The following BAIAP3 variants were observed in gnomAD, a reference collection of about 807,000 sequenced individuals.
BAIAP3 encodes the protein BAI1-associated protein 3.
Under a neutral mutation model 149.7 loss-of-function variants are expected in BAIAP3, and 180 were observed. The ratio of observed to expected loss-of-function variants is 1.20; its 90% CI spans 1.07 to 1.36. The LOEUF (loss-of-function observed/expected upper bound fraction) is 1.36. Ranked by LOEUF, BAIAP3 falls within the 40% of genes most tolerant of loss-of-function variation. The pLI is 0.00. For missense variants in BAIAP3, 1,767 were observed against 1,563.4 expected, an observed-to-expected ratio of 1.13 and a Z score of -2.20; for synonymous variants, 845 against 670.7, an observed-to-expected ratio of 1.26 and a Z score of -4.02.
At chr16:1,344,948 T>C (rs2034209440) in intron 20 of BAIAP3, 21 bp from the exon 21 acceptor site, 8 of 1,613,434 alleles carry the variant, frequency 5.0e-6, no homozygotes, top group Non-Finnish European at 6.8e-6. Context: ...GCTGGAGGCC[T>C]GATCCTGCTG....
At chr16:1,339,639 GC>G (rs753733338) in intron 5 of BAIAP3, 36 bp downstream of exon 5, 1 of 1,537,426 alleles carries the variant, frequency 6.5e-7, no homozygotes, top group East Asian at 2.3e-5. Flanking sequence ...GACCCTGACA[GC>G]TTCCCCACCT....
rs2034492793 is a variant in BAIAP3 at position 1,347,912 on chromosome 16, TG to T, written c.3045del (p.Ile1016SerfsTer20). ...CCTGCAGGCTTAAGTGACCCCTTTG[TG>T]ATCGTGGAGCTGGGCCCACCGCATC... ...LDANGLSDPF[V>X]IVELGPPHLF... On this transcript the variant is annotated frameshift_variant, in exon 32 of 34. Transcript: ENST00000426824. LOFTEE classifies it high-confidence loss of function. 1 of 1,611,904 alleles carries T rather than the reference TG, an allele frequency of 6.2e-7. No homozygotes were observed. Among genetic ancestry groups the T allele is most frequent in the South Asian group, 1.1e-5 (1 of 91,090 alleles).
chr16:1,335,804 T>G (rs969250216), intron 1 of BAIAP3, among the ~76,000 whole-genome samples: 5 of 152,044 alleles, frequency 3.3e-5, no homozygotes, highest in African/African-American at 1.2e-4. Context: ...GGGGCTGGCC[T>G]AGCTGGTTGC....
chr16:1,342,480 G>T, intron 11 of BAIAP3, 47 bp from the exon 12 acceptor site: 1 of 1,502,298 alleles, frequency 6.7e-7, no homozygotes. Context: ...CAGTGTGGAA[G>T]GGGAGGGGGA....
rs747345617 is a variant in BAIAP3, at chr16:1,349,439, A to C, written c.*957A>C. ...AAAAATATATGTGTCTGCAACCCTC[A>C]GTCTCTCTGCCGTTTCTTGATTCCT... On this transcript the variant is annotated 3_prime_UTR_variant, in exon 34 of 34. Coordinates refer to ENST00000426824, the MANE Select transcript of BAIAP3 (RefSeq NM_001199097.2). 1.9e-6 allele frequency: 3 copies of C among 1,613,452 alleles called. No homozygotes were observed. Among genetic ancestry groups the C allele is most frequent in the Admixed American group, 3.3e-5 (2 of 59,882 alleles).
intron 28 of BAIAP3, 148 bp from the exon 29 acceptor site, chr16:1,347,150 T>G (rs1040917259): frequency 7.4e-6 from 7 of 949,308 alleles, no homozygotes; most frequent in Non-Finnish European, 1.1e-5. Flanking sequence ...TCCTGGGAGC[T>G]TCCGATGCCC....
chr16:1,343,626 C>G (rs2034090820), intron 15 of BAIAP3, 113 bp downstream of exon 15: 1 of 1,448,616 alleles, frequency 6.9e-7, no homozygotes, highest in African/African-American at 1.4e-5. Flanking sequence ...GGGTCAAAGA[C>G]AAATGGACAA....
In BAIAP3 at chr16:1,347,154, G is replaced by A. The variant is rs547807277; in HGVS notation, c.2752-144G>A. On this transcript the variant is annotated intron_variant, in intron 28 of 33. Transcript: ENST00000426824. ...TTCCCCACGCTTCCTGGGAGCTTCC[G>A]ATGCCCGCCAGGGTGTGAGAAAGGG... 369 of 968,434 alleles carry A rather than the reference G, an allele frequency of 3.8e-4. No individual in the cohort carries two copies. In the African/African-American group the frequency reaches 5.5e-3, roughly 14 times the overall value. 60.0% of individuals were successfully genotyped at this position (968,434 alleles called of 1,614,324 possible). A position where few individuals can be genotyped will look rare whatever the true frequency, so the allele number is the denominator to read the frequency against.
chr16:1,348,193 G>T lies in BAIAP3; in HGVS notation c.3247G>T (p.Ala1083Ser), dbSNP rs748237662. The T allele has an allele frequency of 6.2e-7, 1 of 1,609,180 alleles. No individual in the cohort carries two copies. Among genetic ancestry groups the T allele is most frequent in the East Asian group, 2.2e-5 (1 of 44,870 alleles). Residue 1083 changes from alanine (A) to serine (S), a missense_variant, in exon 33 of 34, where the codon GCG (alanine) becomes TCG (serine). By Grantham distance (99) the Ala-to-Ser change is moderately conservative. Transcript: ENST00000426824. ...WLSTNDFAGE[A>S]ALGLGGVTGV... ...GTCCACCAACGACTTCGCTGGGGAGGCGGCCCTCGGCCTAGGTGGCGTCAC... is the reference window on the plus strand; with the variant it reads ...GTCCACCAACGACTTCGCTGGGGAGTCGGCCCTCGGCCTAGGTGGCGTCAC...
Position 1,345,109 on chromosome 16 carries a change from C to G in BAIAP3, c.1940+10C>G, listed in dbSNP as rs759489093. On this transcript the variant is annotated intron_variant, in intron 21 of 33. Transcript: ENST00000426824. ...ATAGCATCCCTGGCCGGTGGGTGCC[C>G]CGTCCCTATCTCTTGCAGACAGACT... The G allele has an allele frequency of 7.4e-6, 12 of 1,612,320 alleles. No individual in the cohort carries two copies. The highest frequency in any genetic ancestry group is 1.0e-5 in the Non-Finnish European group (12 of 1,179,944).
intron 28 of BAIAP3, 69 bp downstream of exon 28, chr16:1,347,024 C>T (rs2034424694): frequency 7.2e-7 from 1 of 1,396,690 alleles, no homozygotes; most frequent in African/African-American, 1.4e-5. Context: ...CTCCCTTTGT[C>T]CCCACTGGCC....
Position 1,347,777 on chromosome 16 carries a change from T to G in BAIAP3, c.2981T>G (p.Val994Gly), listed in dbSNP as rs1316908643. The G allele has an allele frequency of 6.2e-7, 1 of 1,609,154 alleles. No homozygotes were observed. The highest frequency in any genetic ancestry group is 8.5e-7 in the Non-Finnish European group (1 of 1,177,348). ...GAGGCGGCTGAGCAGCGGCTGGCCGTGGAGGTGCTGCACGCCGCGGACCTG... is the reference window on the plus strand; with the variant it reads ...GAGGCGGCTGAGCAGCGGCTGGCCGGGGAGGTGCTGCACGCCGCGGACCTG... ...HYEAAEQRLA[V>G]EVLHAADLLP... Residue 994 changes from valine (V) to glycine (G), a missense_variant, in exon 31 of 34, where the codon GTG (valine) becomes GGG (glycine). Physicochemically the swap from Val to Gly is moderately radical, Grantham distance 109. Coordinates refer to ENST00000426824, the MANE Select transcript of BAIAP3 (RefSeq NM_001199097.2).
At position 1,342,183 on chromosome 16, in the gene BAIAP3, A is replaced by G; in HGVS notation, c.857A>G (p.Tyr286Cys). ...EVIGLKGMGRYFKQIVKSARA... is the reference protein window; with the variant it reads ...EVIGLKGMGRCFKQIVKSARA... ...TGCTCACCACCTGTGGTGGCCAGGT[A>G]CTTCAAACAGATCGTCAAGTCAGCC... Residue 286 changes from tyrosine (Y) to cysteine (C), a missense_variant and splice_region_variant, in exon 11 of 34, where the codon TAC becomes TGC. Transcript: ENST00000426824. 6.2e-7 allele frequency: 1 copy of G among 1,602,114 alleles called. No homozygotes were observed. The highest frequency in any genetic ancestry group is 8.5e-7 in the Non-Finnish European group (1 of 1,172,584).
chr16:1,340,124 G>GAC, intron 5 of BAIAP3, among the ~76,000 whole-genome samples: 1 of 131,882 alleles, frequency 7.6e-6, no homozygotes, highest in East Asian at 2.4e-4. Flanking sequence ...GGTGCACACA[G>GAC]ATGCACAGGC....
At chr16:1,345,151 A>C (rs1011709024) in intron 21 of BAIAP3, 52 bp downstream of exon 21, 6 of 1,610,812 alleles carry the variant, frequency 3.7e-6, no homozygotes, top group Non-Finnish European at 5.1e-6. Flanking sequence ...CCAGGGCCCC[A>C]GGACCTGTGA....
In BAIAP3 at chr16:1,346,423, G is replaced by C. The variant is rs1322494562; in HGVS notation, c.2494-19G>C. ...CCCTGGTGCCCCCTGCCCGTGCTGA[G>C]CACTGCTCCTGCCCTCAGATGGTGG... On this transcript the variant is annotated intron_variant, in intron 25 of 33. Transcript: ENST00000426824. 11 of 1,612,184 alleles carry C rather than the reference G, an allele frequency of 6.8e-6. No homozygotes were observed. The highest frequency in any genetic ancestry group is 9.3e-6 in the Non-Finnish European group (11 of 1,179,676).
rs749249473 is a variant in BAIAP3 at position 1,345,344 on chromosome 16, G to C, written c.2036G>C (p.Arg679Thr). 6.2e-7 allele frequency: 1 copy of C among 1,612,732 alleles called. No homozygotes were observed. The highest frequency in any genetic ancestry group is 8.5e-7 in the Non-Finnish European group (1 of 1,179,866). Reference protein sequence around the residue: ...FQVLRDQAKWRLQGAVDMDTL... With the variant: ...FQVLRDQAKWTLQGAVDMDTL... ...GTGCTGAGGGACCAGGCCAAGTGGA[G>C]GCTTCAGGGAGCCGTGGACATGGAC... The change falls in exon 22 of 34, where the codon AGG (arginine) becomes ACG (threonine). Residue 679 changes from arginine (R) to threonine (T), a missense_variant. Arg to Thr is a moderately conservative substitution (Grantham distance 71). Coordinates refer to ENST00000426824, the MANE Select transcript of BAIAP3 (RefSeq NM_001199097.2).
In BAIAP3 at chr16:1,347,897, T is replaced by A. The variant is rs768075521; in HGVS notation, c.3029T>A (p.Leu1010Ter). ...ADLLPLDANGLSDPFVIVELG... is the reference protein window; with the variant it reads ...ADLLPLDANG ...GCTCACGACTGTGCTCCTGCAGGCT[T>A]AAGTGACCCCTTTGTGATCGTGGAG... The change falls in exon 32 of 34, where the codon TTA (leucine) becomes TAA (stop). Residue 1010 changes from leucine to a stop codon, truncating the protein, a stop_gained. Transcript: ENST00000426824. LOFTEE classifies it high-confidence loss of function. 9 of 1,611,648 alleles carry A rather than the reference T, an allele frequency of 5.6e-6. No homozygotes were observed. The highest frequency in any genetic ancestry group is 7.6e-6 in the Non-Finnish European group (9 of 1,179,838).
At position 1,345,223 on chromosome 16, in the gene BAIAP3, G is replaced by T. The variant is rs181154461; in HGVS notation, c.1941-26G>T. The T allele has an allele frequency of 2.5e-5, 40 of 1,611,300 alleles. 1 individual carries two copies. Among genetic ancestry groups the T allele is most frequent in the African/African-American group, 1.3e-4 (10 of 74,860 alleles). On this transcript the variant is annotated intron_variant, in intron 21 of 33. Coordinates refer to ENST00000426824, the MANE Select transcript of BAIAP3 (RefSeq NM_001199097.2). ...TGGTTAAGGTGTCTGAGTCAGGGCC[G>T]AGCCCTCACAACCCTCCCACCACAG...
Sources: allele counts gnomAD v4.1 joint callset (sites outside exome capture counted in the v4.1 genomes callset), GRCh38; gene constraint gnomAD v4.1.1; transcripts MANE v1.5; gene names NCBI Gene and HGNC (gene_info 2026-07-23, HGNC 2026-07-21).